The following VWC2L variants were observed in gnomAD, a reference collection of about 807,000 sequenced individuals.
VWC2L encodes the protein von Willebrand factor C domain containing 2 like.
In VWC2L, 10 loss-of-function variants were observed where a neutral mutation model predicts 21.6. That is an observed-to-expected ratio of 0.46 (90% CI 0.29 to 0.78). The LOEUF is 0.78. Ranked by LOEUF, VWC2L falls within the 30% of genes least tolerant of loss-of-function variation. The pLI is 0.10. For synonymous variants in VWC2L, 96 were observed against 94.3 expected, an observed-to-expected ratio of 1.02 and a Z score of -0.10; for missense variants, 209 against 277.1, an observed-to-expected ratio of 0.75 and a Z score of 1.74.
chr2:214,498,771 G>T (rs1017560608), intron 3 of VWC2L, among the ~76,000 whole-genome samples: 2 of 148,512 alleles, frequency 1.3e-5, no homozygotes, highest in South Asian at 4.2e-4. Flanking sequence ...ATACATACAT[G>T]TATTTTAATA....
At chr2:214,516,967 A>ATT (rs1381931954) in intron 3 of VWC2L, among the ~76,000 whole-genome samples, 1 of 152,186 alleles carries the variant, frequency 6.6e-6, no homozygotes, top group Non-Finnish European at 1.5e-5. Flanking sequence ...CTACCCAAGA[A>ATT]TTTTGCCCTA....
chr2:214,575,035 A>T (rs1190689034), intron 3 of VWC2L, among the ~76,000 whole-genome samples: 3 of 57,190 alleles, frequency 5.2e-5, no homozygotes, highest in Admixed American at 1.4e-4. Context: ...GTCATTCTTT[A>T]AAAAAAAAAA....
chr2:214,496,328 A>G (rs1390954708), intron 3 of VWC2L, among the ~76,000 whole-genome samples: 1 of 140,150 alleles, frequency 7.1e-6, no homozygotes, highest in Admixed American at 7.1e-5. Context: ...GAAAGATGCA[A>G]TAGAATGGCT....
intron 3 of VWC2L, among the ~76,000 whole-genome samples, chr2:214,531,192 A>G (rs1410796369): frequency 1.3e-5 from 2 of 152,302 alleles, no homozygotes; most frequent in East Asian, 3.9e-4. Context: ...TGGGAATCAC[A>G]GGAAACAGGA....
At chr2:214,492,822 C>T (rs184696087) in intron 3 of VWC2L, among the ~76,000 whole-genome samples, 1 of 152,242 alleles carries the variant, frequency 6.6e-6, no homozygotes, top group Admixed American at 6.5e-5. Context: ...CAGAGGCTTA[C>T]AACAAAGTGT....
chr2:214,491,725 A>AAAC (rs1226932902), intron 3 of VWC2L, among the ~76,000 whole-genome samples: 1 of 152,158 alleles, frequency 6.6e-6, no homozygotes, highest in Non-Finnish European at 1.5e-5. Context: ...AGATGGAAAT[A>AAAC]TGTTTAAGTC....
At chr2:214,563,286 G>A (rs941667997) in intron 3 of VWC2L, among the ~76,000 whole-genome samples, 2 of 152,072 alleles carry the variant, frequency 1.3e-5, no homozygotes, top group South Asian at 2.1e-4. Flanking sequence ...GGTGGTGCAC[G>A]CCTGTAATCC....
chr2:214,420,122 T>C (rs1702417980), intron 2 of VWC2L, among the ~76,000 whole-genome samples: 2 of 152,156 alleles, frequency 1.3e-5, no homozygotes, highest in Non-Finnish European at 2.9e-5. Flanking sequence ...CTCATAAAAA[T>C]TGTTGATGCC....
intron 3 of VWC2L, among the ~76,000 whole-genome samples, chr2:214,501,449 G>A (rs867803068): frequency 3.3e-4 from 50 of 152,124 alleles, no homozygotes; most frequent in African/African-American, 8.5e-4. Flanking sequence ...TAGGCCAGAC[G>A]TGGTGGCTCA....
At chr2:214,457,202 T>C (rs912819074) in intron 3 of VWC2L, among the ~76,000 whole-genome samples, 25 of 152,144 alleles carry the variant, frequency 1.6e-4, no homozygotes, top group Non-Finnish European at 2.9e-4. Context: ...GAACATGGAA[T>C]GAACCTCCTC....
chr2:214,488,974 C>T (rs12614649), intron 3 of VWC2L, among the ~76,000 whole-genome samples: 25,415 of 152,210 alleles, frequency 0.17, 2,229 homozygotes, highest in East Asian at 0.25. Flanking sequence ...TTAGGTTCTA[C>T]CTTTAACATT....
chr2:214,561,784 TTATATATATATATATA>T (rs67223012), intron 3 of VWC2L, among the ~76,000 whole-genome samples: 1 of 128,670 alleles, frequency 7.8e-6, no homozygotes, highest in Non-Finnish European at 1.6e-5. Context: ...TCAAAAAAAA[TTATATATATATATATA>T]TATATATATA....
chr2:214,567,359 G>A (rs1334192342), intron 3 of VWC2L, among the ~76,000 whole-genome samples: 1 of 152,018 alleles, frequency 6.6e-6, no homozygotes, highest in Non-Finnish European at 1.5e-5. Context: ...GTAACAACCT[G>A]GCTGCCTTCC....
intron 3 of VWC2L, among the ~76,000 whole-genome samples, chr2:214,475,410 T>C (rs1184563874): frequency 6.6e-6 from 1 of 152,030 alleles, no homozygotes; most frequent in East Asian, 1.9e-4. Flanking sequence ...GAAAGAAATG[T>C]GCTCTTGTCA....
intron 3 of VWC2L, among the ~76,000 whole-genome samples, chr2:214,574,034 T>G (rs1007187089): frequency 1.3e-5 from 2 of 152,150 alleles, no homozygotes; most frequent in Non-Finnish European, 1.5e-5. Flanking sequence ...CCCAGCTACC[T>G]GGGAGGCTGA....
At chr2:214,535,265 CCAGT>C (rs1447844644) in intron 3 of VWC2L, among the ~76,000 whole-genome samples, 9 of 152,044 alleles carry the variant, frequency 5.9e-5, no homozygotes, top group Admixed American at 3.3e-4. Flanking sequence ...TGCAATATCA[CCAGT>C]CAAATTCTTT....
At chr2:214,423,179 G>C (rs1702469488) in intron 2 of VWC2L, among the ~76,000 whole-genome samples, 1 of 151,974 alleles carries the variant, frequency 6.6e-6, no homozygotes, top group Admixed American at 6.6e-5. Flanking sequence ...TTTATTTCTA[G>C]TATCTGCATT....
chr2:214,527,552 C>A (rs1352737206), intron 3 of VWC2L, among the ~76,000 whole-genome samples: 2 of 152,070 alleles, frequency 1.3e-5, no homozygotes. Flanking sequence ...TTCCTTGAAG[C>A]AAGTTCTTTC....
At chr2:214,556,032 G>A (rs1230586323) in intron 3 of VWC2L, among the ~76,000 whole-genome samples, 2 of 152,118 alleles carry the variant, frequency 1.3e-5, no homozygotes, top group Non-Finnish European at 2.9e-5. Context: ...AGCACACTCA[G>A]ATGAGCACAT....
Sources: gnomAD v4.1 joint callset for allele counts (sites outside exome capture counted in the v4.1 genomes callset) on GRCh38, gnomAD v4.1.1 for gene constraint, MANE v1.5 for transcripts, NCBI Gene and HGNC (gene_info 2026-07-23, HGNC 2026-07-21) for gene names.